The following HHAT variants were observed in gnomAD, a reference collection of about 807,000 sequenced individuals.
The protein encoded by HHAT is hedgehog acyltransferase, also known as protein-cysteine N-palmitoyltransferase HHAT.
HHAT carries 47 observed loss-of-function variants against 70.8 expected under a neutral mutation model. That is an observed-to-expected ratio of 0.66 (90% CI 0.53 to 0.85). The LOEUF (loss-of-function observed/expected upper bound fraction) is 0.85, where lower values mean the gene tolerates loss of function less well. HHAT is among the 40% of genes least tolerant of loss of function. The probability of loss-of-function intolerance (pLI) is 0.00; values close to 1 mark genes in which losing one functional copy is unlikely to be tolerated. For missense variants in HHAT, 609 were observed against 604.8 expected (o/e 1.01, Z -0.07); for synonymous variants, 228 against 247.6 (o/e 0.92, Z 0.74).
chr1:210,443,033 G>A (rs1455057388), intron 7 of HHAT, among the ~76,000 whole-genome samples: 2 of 152,180 alleles, frequency 1.3e-5, no homozygotes, highest in Non-Finnish European at 2.9e-5. Flanking sequence ...TTTGTATAAG[G>A]AAGGGATCCA....
chr1:210,343,203 A>G (rs1245469819), intron 1 of HHAT, among the ~76,000 whole-genome samples: 2 of 152,124 alleles, frequency 1.3e-5, no homozygotes, highest in African/African-American at 2.4e-5. Flanking sequence ...CCTGTGATCA[A>G]TCAAGCAGCT....
intron 4 of HHAT, among the ~76,000 whole-genome samples, chr1:210,394,708 A>T (rs996443774): frequency 6.6e-6 from 1 of 152,126 alleles, no homozygotes; most frequent in Non-Finnish European, 1.5e-5. Context: ...AGGGCTGAGA[A>T]GCCTGACCCA....
At chr1:210,601,467 G>T (rs772288849) in intron 10 of HHAT, among the ~76,000 whole-genome samples, 24 of 152,086 alleles carry the variant, frequency 1.6e-4, no homozygotes, top group Non-Finnish European at 3.2e-4. Context: ...TCAACAAATT[G>T]AAATCAAGCA....
intron 11 of HHAT, among the ~76,000 whole-genome samples, chr1:210,665,297 C>G (rs1047722618): frequency 9.9e-5 from 15 of 152,188 alleles, no homozygotes; most frequent in African/African-American, 3.6e-4. Flanking sequence ...AGGCTTTGAC[C>G]AAGAAGAGTT....
In HHAT at chr1:210,563,180, A is replaced by T. The variant is rs59063278; in HGVS notation, c.1044-24718A>T. On this transcript the variant is annotated intron_variant, in intron 9 of 11. Coordinates refer to ENST00000261458, the MANE Select transcript of HHAT (RefSeq NM_018194.6). ...CGCCTGTGGTAAGTACCTAGAGGGA[A>T]TACAGAAGGGTACTGGGCATGTGGG... Among the ~76,000 whole-genome samples the T allele has an allele frequency of 3.6e-4, 55 of 152,288 alleles. No homozygotes were observed. In the East Asian group the frequency reaches 0.01, roughly 29 times the overall value.
At chr1:210,453,225 A>G (rs1424944247) in intron 7 of HHAT, among the ~76,000 whole-genome samples, 1 of 152,192 alleles carries the variant, frequency 6.6e-6, no homozygotes, top group East Asian at 1.9e-4. Context: ...CTTTTGAGGC[A>G]TTAAACATTC....
At chr1:210,588,137 G>A (rs931255819) in intron 10 of HHAT, 38 bp downstream of exon 10, 1 of 1,501,992 alleles carries the variant, frequency 6.7e-7, no homozygotes, top group South Asian at 1.2e-5. Flanking sequence ...GGGGACAGTG[G>A]AACTAGGCAG....
intron 7 of HHAT, among the ~76,000 whole-genome samples, chr1:210,450,692 A>G (rs1285867560): frequency 2.0e-5 from 3 of 151,920 alleles, no homozygotes; most frequent in African/African-American, 7.2e-5. Context: ...AAATAAATAT[A>G]TAGATAAAAT....
At chr1:210,639,293 A>T (rs964632046) in intron 11 of HHAT, among the ~76,000 whole-genome samples, 4 of 152,308 alleles carry the variant, frequency 2.6e-5, no homozygotes, top group South Asian at 2.1e-4. Context: ...TACAAAAAAA[A>T]ACTTGATTTG....
chr1:210,542,632 TATAAA>T (rs969924011), intron 9 of HHAT, among the ~76,000 whole-genome samples: 3 of 151,710 alleles, frequency 2.0e-5, no homozygotes, highest in Non-Finnish European at 2.9e-5. Flanking sequence ...ACTCCATCTC[TATAAA>T]ATAAAATAAA....
chr1:210,645,740 T>C (rs1440321111), intron 11 of HHAT, among the ~76,000 whole-genome samples: 4 of 152,154 alleles, frequency 2.6e-5, no homozygotes, highest in Admixed American at 2.6e-4. Context: ...CGATCATGCT[T>C]GAAATGTTAG....
chr1:210,647,409 G>T (rs1390271093), intron 11 of HHAT, among the ~76,000 whole-genome samples: 2 of 152,104 alleles, frequency 1.3e-5, no homozygotes, highest in Non-Finnish European at 2.9e-5. Flanking sequence ...CTATTATTTG[G>T]TCCTTTTCCC....
intron 9 of HHAT, among the ~76,000 whole-genome samples, chr1:210,524,253 A>G (rs1293638870): frequency 6.6e-6 from 1 of 152,228 alleles, no homozygotes; most frequent in African/African-American, 2.4e-5. Context: ...TTTCTACAAT[A>G]AAATTTTTTT....
At chr1:210,601,832 T>C (rs959941201) in intron 10 of HHAT, among the ~76,000 whole-genome samples, 5 of 152,128 alleles carry the variant, frequency 3.3e-5, no homozygotes, top group Non-Finnish European at 5.9e-5. Context: ...AAAATACTGA[T>C]TGACCTAGTC....
intron 8 of HHAT, among the ~76,000 whole-genome samples, chr1:210,498,611 A>G (rs146631349): frequency 1.3e-5 from 2 of 152,156 alleles, no homozygotes; most frequent in Non-Finnish European, 2.9e-5. Context: ...TGTCTGAGCA[A>G]TGGGTGGCTA....
chr1:210,449,056 A>C (rs953636519), intron 7 of HHAT, among the ~76,000 whole-genome samples: 3 of 109,214 alleles, frequency 2.7e-5, no homozygotes, highest in Non-Finnish European at 6.2e-5. Flanking sequence ...CATGACACAC[A>C]CAACCACCAA....
At chr1:210,522,638 C>T (rs139524758) in intron 9 of HHAT, among the ~76,000 whole-genome samples, 111 of 152,256 alleles carry the variant, frequency 7.3e-4, no homozygotes, top group Middle Eastern at 6.8e-3. Flanking sequence ...AAGAATAAGA[C>T]GCACCGTTGT....
intron 8 of HHAT, among the ~76,000 whole-genome samples, chr1:210,504,124 A>G (rs2094809656): frequency 6.6e-6 from 1 of 152,218 alleles, no homozygotes; most frequent in African/African-American, 2.4e-5. Context: ...TACACATCCA[A>G]TAAAGGACTT....
intron 9 of HHAT, among the ~76,000 whole-genome samples, chr1:210,563,487 A>G (rs1228678714): frequency 6.6e-6 from 1 of 152,122 alleles, no homozygotes; most frequent in East Asian, 1.9e-4. Context: ...GGGTTCTTCA[A>G]CATTGCGGTG....
Sources: allele counts gnomAD v4.1 joint callset (sites outside exome capture counted in the v4.1 genomes callset), GRCh38; gene constraint gnomAD v4.1.1; transcripts MANE v1.5; gene names NCBI Gene and HGNC (gene_info 2026-07-23, HGNC 2026-07-21).